The following TMEM232 variants were observed in gnomAD, a reference collection of about 807,000 sequenced individuals.
TMEM232 encodes transmembrane protein 232.
Under a neutral mutation model 78.8 loss-of-function variants are expected in TMEM232, and 80 were observed. The ratio of observed to expected loss-of-function variants is 1.01; its 90% CI spans 0.85 to 1.22. The LOEUF is 1.22. Ranked by LOEUF, TMEM232 falls within the 50% of genes most tolerant of loss-of-function variation. The pLI, the probability that TMEM232 is intolerant of heterozygous loss-of-function variation, is 0.00. For synonymous variants in TMEM232, 297 were observed against 254.3 expected, an observed-to-expected ratio of 1.17 and a Z score of -1.60; for missense variants, 881 against 742.2, an observed-to-expected ratio of 1.19 and a Z score of -2.17.
chr5:110,652,215 T>A (rs1161661109), intron 2 of TMEM232, among the ~76,000 whole-genome samples: 2 of 151,720 alleles, frequency 1.3e-5, no homozygotes, highest in African/African-American at 4.8e-5. Context: ...TCTTTTAAAA[T>A]AATAGTAAAT....
chr5:110,680,887 C>T (rs1232975437), intron 1 of TMEM232, among the ~76,000 whole-genome samples: 1 of 151,650 alleles, frequency 6.6e-6, no homozygotes, highest in African/African-American at 2.4e-5. Flanking sequence ...TCTGATTTGC[C>T]TTAAAGGAGA....
At position 110,573,001 on chromosome 5, in the gene TMEM232, TA is replaced by T. The variant is rs1777143514; in HGVS notation, c.1277-4377del. ...GTGACCCTGTGGCAGCTATCAAAGA[TA>T]TCACTTTAAATATACTGAGAGAAAA... On this transcript the variant is annotated intron_variant, in intron 10 of 13. Transcript: ENST00000455884. Among the ~76,000 whole-genome samples, 3 of 152,064 alleles carry T rather than the reference TA, an allele frequency of 2.0e-5. No individual in the cohort carries two copies. In the South Asian group the frequency reaches 6.2e-4, roughly 31 times the overall value.
intron 11 of TMEM232, among the ~76,000 whole-genome samples, chr5:110,543,929 T>C (rs1773470098): frequency 1.3e-5 from 2 of 152,218 alleles, no homozygotes; most frequent in Non-Finnish European, 2.9e-5. Context: ...ATTTCAATAT[T>C]AAGAGACTTG....
chr5:110,638,898 T>G (rs1786280637), intron 4 of TMEM232, among the ~76,000 whole-genome samples: 1 of 152,162 alleles, frequency 6.6e-6, no homozygotes, highest in Admixed American at 6.5e-5. Context: ...AAAAAGGGAA[T>G]AGCAGAAGAC....
chr5:110,521,633 G>A (rs946124749), intron 12 of TMEM232, among the ~76,000 whole-genome samples: 3 of 152,162 alleles, frequency 2.0e-5, no homozygotes, highest in Middle Eastern at 6.8e-3. Flanking sequence ...TGCTTTTTGT[G>A]CTTGGTGTAA....
At chr5:110,692,954 T>C (rs991228598) in intron 1 of TMEM232, among the ~76,000 whole-genome samples, 1 of 152,006 alleles carries the variant, frequency 6.6e-6, no homozygotes, top group Non-Finnish European at 1.5e-5. Context: ...TTGAAGAGAG[T>C]AGCAGTTCTC....
chr5:110,399,470 A>G (rs1240054941), intron 2 of TMEM232, among the ~76,000 whole-genome samples: 3 of 152,148 alleles, frequency 2.0e-5, no homozygotes, highest in African/African-American at 7.2e-5. Context: ...GAGGGCATCA[A>G]ATATCTGAGA....
chr5:110,472,361 A>G (rs1762780134), intron 12 of TMEM232, among the ~76,000 whole-genome samples: 1 of 152,008 alleles, frequency 6.6e-6, no homozygotes, highest in Non-Finnish European at 1.5e-5. Context: ...CTCCAAAACA[A>G]AAACTATAAA....
At chr5:110,692,138 C>G (rs1360574564) in intron 1 of TMEM232, among the ~76,000 whole-genome samples, 1 of 152,052 alleles carries the variant, frequency 6.6e-6, no homozygotes, top group Non-Finnish European at 1.5e-5. Flanking sequence ...AGCCAGGATG[C>G]TCTTGTACTC....
chr5:110,477,720 G>T (rs1310733745), intron 12 of TMEM232, among the ~76,000 whole-genome samples: 1 of 151,698 alleles, frequency 6.6e-6, no homozygotes, highest in Non-Finnish European at 1.5e-5. Flanking sequence ...TCATAATGAT[G>T]ATAAACCATT....
At chr5:110,590,845 A>T (rs1561340779) in intron 10 of TMEM232, among the ~76,000 whole-genome samples, 1 of 152,144 alleles carries the variant, frequency 6.6e-6, no homozygotes, top group Non-Finnish European at 1.5e-5. Context: ...TTCACAAGGC[A>T]GCAGGAGAGA....
At chr5:110,433,228 A>C (rs1420780318) in intron 12 of TMEM232, among the ~76,000 whole-genome samples, 2 of 151,800 alleles carry the variant, frequency 1.3e-5, no homozygotes, top group Non-Finnish European at 2.9e-5. Flanking sequence ...CCACATGCTC[A>C]ATCATAAAGC....
At chr5:110,516,074 C>T (rs368649451) in intron 12 of TMEM232, among the ~76,000 whole-genome samples, 11 of 152,220 alleles carry the variant, frequency 7.2e-5, no homozygotes, top group African/African-American at 2.6e-4. Context: ...CCAGTCCCTA[C>T]TAAAAACACA....
chr5:110,431,952 A>G (rs1057393659), intron 12 of TMEM232, among the ~76,000 whole-genome samples: 5 of 151,768 alleles, frequency 3.3e-5, no homozygotes, highest in Admixed American at 6.6e-5. Context: ...ATATTTACCA[A>G]TAGTTCAAGG....
chr5:110,558,346 G>A lies in TMEM232; in HGVS notation c.1455+10101C>T, dbSNP rs183374291. On this transcript the variant is annotated intron_variant, in intron 11 of 13. Coordinates refer to ENST00000455884, the MANE Select transcript of TMEM232 (RefSeq NM_001039763.4). ...TGCACCAATGGTTGTGTGACAGTGC[G>A]CATGCCAGAAAATCAGTAGGGAAAA... 2.8e-4 allele frequency among the ~76,000 whole-genome samples: 43 copies of A among 152,226 alleles called. No homozygotes were observed. The East Asian group carries it at 6.0e-3, about 21-fold the overall frequency.
At chr5:110,704,456 T>G (rs1795726041) in intron 1 of TMEM232, among the ~76,000 whole-genome samples, 1 of 152,112 alleles carries the variant, frequency 6.6e-6, no homozygotes, top group African/African-American at 2.4e-5. Context: ...AACAGCATTT[T>G]CCAAAATACT....
chr5:110,472,088 T>C (rs1044743989), intron 12 of TMEM232, among the ~76,000 whole-genome samples: 1 of 151,906 alleles, frequency 6.6e-6, no homozygotes, highest in African/African-American at 2.4e-5. Context: ...TGCATCCACA[T>C]AGGAAAGGAG....
intron 1 of TMEM232, among the ~76,000 whole-genome samples, chr5:110,718,629 T>G (rs992628270): frequency 1.3e-5 from 2 of 152,078 alleles, no homozygotes; most frequent in Non-Finnish European, 2.9e-5. Flanking sequence ...GTGTGAAGAT[T>G]AATTTTTTTT....
chr5:110,651,349 T>C (rs1788272971), intron 2 of TMEM232, among the ~76,000 whole-genome samples: 1 of 143,526 alleles, frequency 7.0e-6, no homozygotes, highest in African/African-American at 2.6e-5. Context: ...GGGAGAGACA[T>C]TTGAGTTGAA....
Sources: gnomAD v4.1 joint callset for allele counts (sites outside exome capture counted in the v4.1 genomes callset) on GRCh38, gnomAD v4.1.1 for gene constraint, MANE v1.5 for transcripts, NCBI Gene and HGNC (gene_info 2026-07-23, HGNC 2026-07-21) for gene names.